Variants in OPRM1 observed in about 807,000 individuals in gnomAD.
OPRM1 encodes the protein mu-type opioid receptor.
OPRM1 carries 27 observed loss-of-function variants against 31.8 expected under a neutral mutation model. The observed-to-expected ratio is 0.85, with a 90% confidence interval of 0.63 to 1.17. OPRM1 has a LOEUF of 1.17. Among genes scored for constraint, OPRM1 ranks in the 50% most tolerant of loss-of-function variants. OPRM1 has a pLI of 0.00. For missense variants in OPRM1, 536 were observed against 511.1 expected (o/e 1.05, Z -0.47); for synonymous variants, 196 against 189.9 (o/e 1.03, Z -0.26).
intron 1 of OPRM1, among the ~76,000 whole-genome samples, chr6:154,066,527 A>T (rs1473887220): frequency 1.4e-5 from 2 of 146,196 alleles, no homozygotes; most frequent in Non-Finnish European, 2.9e-5. Flanking sequence ...ATCCCCCCCA[A>T]AAAAAATCAT....
chr6:154,228,625 T>G (rs1470338543), intron 3 of OPRM1, among the ~76,000 whole-genome samples: 1 of 152,206 alleles, frequency 6.6e-6, no homozygotes, highest in Non-Finnish European at 1.5e-5. Flanking sequence ...AATACATATT[T>G]TTATGAAAAT....
At position 154,243,631 on chromosome 6, in the gene OPRM1, A is replaced by C. The variant is rs370929153; in HGVS notation, c.1165-3062A>C. 6.6e-5 allele frequency among the ~76,000 whole-genome samples: 10 copies of C among 152,182 alleles called. No individual in the cohort carries two copies. The East Asian group carries it at 1.3e-3, about 20-fold the overall frequency. ...TCAAAGGAGAGTTGCCCTAAATTTC[A>C]TTTCCAGAGCTGTTCTCTCAGAACC... On this transcript the variant is annotated intron_variant, in intron 3 of 3. Coordinates refer to the OPRM1 transcript ENST00000337049.
chr6:154,166,986 T>C lies in OPRM1; in HGVS notation c.1164+75514T>C, dbSNP rs367790871. Among the ~76,000 whole-genome samples the C allele has an allele frequency of 4.6e-5, 7 of 152,226 alleles. No homozygotes were observed. In the East Asian group the frequency reaches 9.6e-4, roughly 21 times the overall value. On this transcript the variant is annotated intron_variant, in intron 3 of 3. Coordinates refer to the OPRM1 transcript ENST00000337049. ...TTTTTCCATTCTGGCCTCATTTTTG[T>C]AGCCTTTTAGGGTGTTCAGATGTTC...
Position 154,131,898 on chromosome 6 carries a change from T to G in OPRM1, c.*13177T>G, listed in dbSNP as rs1039447612. Among the ~76,000 whole-genome samples, 1 of 151,840 alleles carries G rather than the reference T, an allele frequency of 6.6e-6. No individual in the cohort carries two copies. The highest frequency in any genetic ancestry group is 1.9e-4 in the East Asian group (1 of 5,178). ...GAATGTTAAAAAAAAACACACAACA[T>G]TGTTTTCCTTTTGATGGTCTGGGAG... is the stretch of plus-strand genomic sequence containing the variant. On this transcript the variant is annotated 3_prime_UTR_variant, in exon 4 of 4. Coordinates refer to ENST00000330432, the MANE Select transcript of OPRM1 (RefSeq NM_000914.5).
rs1777703333 is a variant in OPRM1 at position 154,011,143 on chromosome 6, G to A, written c.-1+125G>A. On this transcript the variant is annotated intron_variant, in intron 1 of 5. Transcript: ENST00000434900. ...ATACATTCTACCTTGTCCCTGTGAT[G>A]TAAGAGCAGGAAATAAGGAATACCA... 4 of 879,530 alleles carry A rather than the reference G, an allele frequency of 4.5e-6. 1 individual carries two copies. Among genetic ancestry groups the A allele is most frequent in the South Asian group, 3.1e-5 (2 of 64,446 alleles). 54.5% of individuals were successfully genotyped at this position (879,530 alleles called of 1,614,324 possible).
intron 3 of OPRM1, among the ~76,000 whole-genome samples, chr6:154,152,392 G>GAAAGAAAGAAAGAA (rs200221407): frequency 8.0e-5 from 12 of 150,688 alleles, no homozygotes; most frequent in African/African-American, 2.7e-4. Context: ...AAGAAAGAAA[G>GAAAGAAAGAAAGAA]AGAAATAGTG....
intron 3 of OPRM1, among the ~76,000 whole-genome samples, chr6:154,172,694 G>C (rs1319277255): frequency 6.6e-6 from 1 of 152,242 alleles, no homozygotes; most frequent in Non-Finnish European, 1.5e-5. Context: ...GCTCAGCAAG[G>C]CCTGCTGCCT....
At chr6:154,019,749 T>TG (rs1554254107) in intron 1 of OPRM1, among the ~76,000 whole-genome samples, 1 of 142,188 alleles carries the variant, frequency 7.0e-6, no homozygotes, top group African/African-American at 2.6e-5. Flanking sequence ...TTTCTTTTCT[T>TG]TTTTTTTTTT....
At position 154,011,637 on chromosome 6, in the gene OPRM1, G is replaced by A. The variant is rs181854384; in HGVS notation, c.-1+619G>A. Among the ~76,000 whole-genome samples, 96 of 152,048 alleles carry A rather than the reference G, an allele frequency of 6.3e-4. 1 individual carries two copies. In the East Asian group the frequency reaches 0.013, roughly 20 times the overall value. ...TTCAAGAAAAAGTAAAAATTATTCCGACCACAACAACTTTCAAAATGATGT... is the reference window on the plus strand; with the variant it reads ...TTCAAGAAAAAGTAAAAATTATTCCAACCACAACAACTTTCAAAATGATGT... On this transcript the variant is annotated intron_variant, in intron 1 of 5. Transcript: ENST00000434900.
chr6:154,245,442 T>C (rs565684961), intron 3 of OPRM1, among the ~76,000 whole-genome samples: 5 of 152,292 alleles, frequency 3.3e-5, no homozygotes, highest in African/African-American at 7.2e-5. Context: ...TTTAACCAAA[T>C]CTTTAATGAA....
At position 154,193,333 on chromosome 6, in the gene OPRM1, C is replaced by T. The variant is rs563527146; in HGVS notation, c.1165-53360C>T. On this transcript the variant is annotated intron_variant, in intron 3 of 3. Coordinates refer to the OPRM1 transcript ENST00000337049. ...GCTAAGCTATGAGGATGCAAAGGCA[C>T]GATAAAATAGACTTTGGGGACTCGG... Among the ~76,000 whole-genome samples, 9 of 151,998 alleles carry T rather than the reference C, an allele frequency of 5.9e-5. No homozygotes were observed. In the South Asian group the frequency reaches 1.3e-3, roughly 21 times the overall value.
intron 1 of OPRM1, among the ~76,000 whole-genome samples, chr6:154,088,378 A>G (rs1791167673): frequency 6.6e-6 from 1 of 152,208 alleles, no homozygotes; most frequent in Admixed American, 6.5e-5. Flanking sequence ...ACACAAAGAC[A>G]CTTTTGGGAG....
intron 3 of OPRM1, among the ~76,000 whole-genome samples, chr6:154,234,427 C>T (rs1234171417): frequency 6.6e-6 from 1 of 152,160 alleles, no homozygotes; most frequent in African/African-American, 2.4e-5. Context: ...CTCAAGTAAA[C>T]TGCTAGCACC....
intron 3 of OPRM1, among the ~76,000 whole-genome samples, chr6:154,100,342 C>T (rs1049554197): frequency 3.3e-5 from 5 of 149,988 alleles, no homozygotes; most frequent in African/African-American, 1.2e-4. Flanking sequence ...TCCCCATTGC[C>T]AGTGGTGTGT....
In OPRM1 at chr6:154,222,662, T is replaced by G. The variant is rs116688874; in HGVS notation, c.1165-24031T>G. Among the ~76,000 whole-genome samples, 1,123 of 152,280 alleles carry G rather than the reference T, an allele frequency of 7.4e-3. 15 individuals carry two copies. The highest frequency in any genetic ancestry group is 0.025 in the African/African-American group (1,046 of 41,548). ...AGGACCATGAGCTGGTAATTTTTTT[T>G]GGTCCCTGTCAGTGCTCAAATCTTT... On this transcript the variant is annotated intron_variant, in intron 3 of 3. Transcript: ENST00000337049.
intron 1 of OPRM1, among the ~76,000 whole-genome samples, chr6:154,082,077 T>A (rs1392231495): frequency 2.0e-5 from 3 of 152,224 alleles, no homozygotes; most frequent in African/African-American, 7.2e-5. Flanking sequence ...ATGATTGAAG[T>A]TCTTTTTAAT....
At chr6:154,028,743 A>T (rs1778844693) in intron 1 of OPRM1, among the ~76,000 whole-genome samples, 1 of 152,182 alleles carries the variant, frequency 6.6e-6, no homozygotes, top group East Asian at 1.9e-4. Context: ...ATAGGACAGC[A>T]CTGAGTTCAA....
At chr6:154,039,001 C>A, upstream of OPRM1, 1 of 764,844 alleles carries the variant, frequency 1.3e-6, no homozygotes, top group Non-Finnish European at 2.0e-6. Context: ...GGTTTTAGGG[C>A]TGTTAGGGTT....
chr6:154,196,001 A>T (rs1265113277), intron 3 of OPRM1, among the ~76,000 whole-genome samples: 2 of 152,014 alleles, frequency 1.3e-5, no homozygotes, highest in Non-Finnish European at 2.9e-5. Flanking sequence ...TATGTTGGCC[A>T]GGCTGGTCTC....
Sources: gnomAD v4.1 joint callset for allele counts (sites outside exome capture counted in the v4.1 genomes callset) on GRCh38, gnomAD v4.1.1 for gene constraint, MANE v1.5 for transcripts, NCBI Gene and HGNC (gene_info 2026-07-23, HGNC 2026-07-21) for gene names.